The following CFLAR variants were observed in gnomAD, a reference collection of about 807,000 sequenced individuals.
The protein encoded by CFLAR is CASP8 and FADD like apoptosis regulator, also known as CASP8 and FADD-like apoptosis regulator.
In CFLAR, 14 loss-of-function variants were observed where a neutral mutation model predicts 51.1. The ratio of observed to expected loss-of-function variants is 0.27; its 90% CI spans 0.18 to 0.43. CFLAR has a LOEUF of 0.43. CFLAR is among the 20% of genes least tolerant of loss of function. CFLAR has a pLI of 1.00. For missense variants in CFLAR, 390 were observed against 566.5 expected, an observed-to-expected ratio of 0.69 and a Z score of 3.16; for synonymous variants, 210 against 211.6, an observed-to-expected ratio of 0.99 and a Z score of 0.06.
At chr2:201,117,304 G>C (rs2047700963) in intron 1 of CFLAR, among the ~76,000 whole-genome samples, 1 of 152,176 alleles carries the variant, frequency 6.6e-6, no homozygotes, top group Non-Finnish European at 1.5e-5. Context: ...AAACGACTGG[G>C]AAATGTAAAC....
chr2:201,120,858 GAGTAGGTACCTGAC>G (rs2048131488), intron 1 of CFLAR, among the ~76,000 whole-genome samples: 2 of 152,158 alleles, frequency 1.3e-5, no homozygotes, highest in African/African-American at 4.8e-5. Flanking sequence ...TTGTTTAAAA[GAGTAGGTACCTGAC>G]AGTCTCTTGC....
chr2:201,126,010 C>G (rs2048660112), intron 1 of CFLAR, among the ~76,000 whole-genome samples: 1 of 151,900 alleles, frequency 6.6e-6, no homozygotes, highest in South Asian at 2.1e-4. Context: ...AAAATGCTGG[C>G]CAGAGTTTGT....
chr2:201,145,142 C>T (rs1452575832), intron 5 of CFLAR, among the ~76,000 whole-genome samples: 1 of 152,194 alleles, frequency 6.6e-6, no homozygotes, highest in Non-Finnish European at 1.5e-5. Flanking sequence ...TGTCAGCCAT[C>T]GCTCCCGGCC....
chr2:201,163,744 C>T, intron 9 of CFLAR, 91 bp from the exon 10 acceptor site: 1 of 1,524,182 alleles, frequency 6.6e-7, no homozygotes, highest in Non-Finnish European at 8.8e-7. Flanking sequence ...TTTCAAAGAA[C>T]TTTCACATCT....
chr2:201,146,667 G>C (rs1198954390), intron 6 of CFLAR: 1 of 152,338 alleles, frequency 6.6e-6, no homozygotes, highest in African/African-American at 2.4e-5. Context: ...CATGGCTGTG[G>C]TTCCGAACTC....
At chr2:201,156,912 C>T (rs1223394065) in intron 8 of CFLAR, among the ~76,000 whole-genome samples, 1 of 152,132 alleles carries the variant, frequency 6.6e-6, no homozygotes, top group African/African-American at 2.4e-5. Flanking sequence ...AAGGACAAAA[C>T]AGTTACTGTC....
Position 201,140,440 on chromosome 2 carries a change from G to A in CFLAR, c.606+1G>A. ...CAAGGATCCTTCAAATAACTTCAGG[G>A]TGAGTCTGGAGAAAACATATGGAAT... On this transcript the variant is annotated splice_donor_variant, in intron 5 of 9. Transcript: ENST00000309955. LOFTEE classifies it high-confidence loss of function. The A allele has an allele frequency of 6.3e-7, 1 of 1,593,024 alleles. No individual in the cohort carries two copies. The highest frequency in any genetic ancestry group is 8.5e-7 in the Non-Finnish European group (1 of 1,172,960).
At position 201,119,391 on chromosome 2, in the gene CFLAR, C is replaced by G. The variant is rs145332474; in HGVS notation, c.-138+2910C>G. 9.6e-4 allele frequency among the ~76,000 whole-genome samples: 146 copies of G among 152,298 alleles called. 2 individuals are homozygous for G. The highest frequency in any genetic ancestry group is 3.4e-3 in the African/African-American group (140 of 41,568). ...CAGTTTAGACAAGATCCACTGACAG[C>G]CTGACTGGAGGAAGCCTGTGGGCCA... On this transcript the variant is annotated intron_variant, in intron 1 of 9. Transcript: ENST00000309955.
At position 201,148,996 on chromosome 2, in the gene CFLAR, C is replaced by A. The variant is rs1192368596; in HGVS notation, c.662-7C>A. On this transcript the variant is annotated splice_polypyrimidine_tract_variant and splice_region_variant and intron_variant, in intron 6 of 9. Coordinates refer to ENST00000309955, the MANE Select transcript of CFLAR (RefSeq NM_003879.7). ...TTTGTAAATGGTTTCTCTCTCTCAT[C>A]CCCCAGAAGAACCAGTGAAGAAATC... 5.0e-6 allele frequency: 8 copies of A among 1,609,372 alleles called. No homozygotes were observed. The highest frequency in any genetic ancestry group is 1.7e-5 in the Admixed American group (1 of 60,004).
chr2:201,129,031 TC>T (rs1403869227), intron 1 of CFLAR, among the ~76,000 whole-genome samples: 1 of 151,960 alleles, frequency 6.6e-6, no homozygotes, highest in Non-Finnish European at 1.5e-5. Flanking sequence ...GCATTGAGAG[TC>T]AGGGCCTCTG....
intron 7 of CFLAR, chr2:201,149,260 G>C (rs758974824): frequency 2.3e-5 from 11 of 472,626 alleles, no homozygotes; most frequent in Non-Finnish European, 4.2e-5. Flanking sequence ...GGAATGCAGG[G>C]AAGTTCCAAA....
chr2:201,160,083 A>G (rs552474467), intron 8 of CFLAR, among the ~76,000 whole-genome samples: 1 of 152,222 alleles, frequency 6.6e-6, no homozygotes, highest in East Asian at 1.9e-4. Flanking sequence ...CAGAAGAGAG[A>G]AAGATTGTGA....
intron 3 of CFLAR, among the ~76,000 whole-genome samples, chr2:201,134,725 G>A (rs1204392805): frequency 6.6e-6 from 1 of 151,338 alleles, no homozygotes; most frequent in African/African-American, 2.4e-5. Context: ...GCCCTACATG[G>A]TACTGTTGAC....
At position 201,173,020 on chromosome 2, in the gene CFLAR, G is replaced by A. The variant is rs1198433608; in HGVS notation, c.*9047G>A. On this transcript the variant is annotated 3_prime_UTR_variant, in exon 10 of 10. Transcript: ENST00000309955. Reference sequence around the variant, plus strand: ...ATCATTTTATATTCCCACCAGCAGTGTATGAGGTTTTTTTTATTTTTTTGT... The same window carrying A: ...ATCATTTTATATTCCCACCAGCAGTATATGAGGTTTTTTTTATTTTTTTGT... 6.6e-6 allele frequency: 1 copy of A among 152,156 alleles called. No homozygotes were observed. The highest frequency in any genetic ancestry group is 2.4e-5 in the African/African-American group (1 of 41,438). The allele number at this position is 152,156 out of a possible 1,614,324, so 9.4% of individuals were successfully genotyped here. A position where few individuals can be genotyped will look rare whatever the true frequency, so the allele number is the denominator to read the frequency against.
chr2:201,152,896 G>C (rs1941511816), intron 8 of CFLAR: 1 of 152,380 alleles, frequency 6.6e-6, no homozygotes, highest in Admixed American at 6.5e-5. Flanking sequence ...TTGGCCACAG[G>C]TATGAGCAGG....
rs1023067668 is a variant in CFLAR, at chr2:201,176,253, G to C, written c.*12280G>C. 1.6e-5 allele frequency: 2 copies of C among 125,062 alleles called. No homozygotes were observed. The highest frequency in any genetic ancestry group is 3.2e-5 in the Non-Finnish European group (2 of 62,340). The allele number at this position is 125,062 out of a possible 1,614,324, so 7.7% of individuals were successfully genotyped here. ...CCTGAGATCTTTTTGAGAAGCTGAT[G>C]ATCAGTCTCAGGTGTTTTCTATTGC... On this transcript the variant is annotated 3_prime_UTR_variant, in exon 10 of 10. Transcript: ENST00000309955.
At chr2:201,137,843 C>G in intron 4 of CFLAR, 1 of 1,014,714 alleles carries the variant, frequency 9.9e-7, no homozygotes, top group Non-Finnish European at 1.6e-6. Context: ...TCTTGAGCTG[C>G]ATTCCGTCTG....
At chr2:201,121,533 C>T (rs2048185275) in intron 1 of CFLAR, among the ~76,000 whole-genome samples, 1 of 152,208 alleles carries the variant, frequency 6.6e-6, no homozygotes, top group Admixed American at 6.5e-5. Flanking sequence ...ATTTTCTTCT[C>T]TACTTTTCTC....
chr2:201,152,694 T>G (rs1263539352), intron 8 of CFLAR: 3 of 152,164 alleles, frequency 2.0e-5, no homozygotes, highest in Non-Finnish European at 4.4e-5. Flanking sequence ...AGGCCATAAC[T>G]TGAGAGGGTT....
Sources: allele counts gnomAD v4.1 joint callset (sites outside exome capture counted in the v4.1 genomes callset), GRCh38; gene constraint gnomAD v4.1.1; transcripts MANE v1.5; gene names NCBI Gene and HGNC (gene_info 2026-07-23, HGNC 2026-07-21).